Variants in GRIK2 observed in about 807,000 individuals in gnomAD.
The protein encoded by GRIK2 is glutamate receptor ionotropic, kainate 2.
In GRIK2, 32 loss-of-function variants were observed where a neutral mutation model predicts 100.3. That is an observed-to-expected ratio of 0.32 (90% CI 0.24 to 0.43). GRIK2 has a LOEUF of 0.43. Among genes scored for constraint, GRIK2 ranks in the 20% least tolerant of loss-of-function variants. The pLI is 1.00. For missense variants in GRIK2, 843 were observed against 1,114.9 expected (o/e 0.76, Z 3.47); for synonymous variants, 417 against 389.4 (o/e 1.07, Z -0.83).
At chr6:101,694,735 A>G (rs920848082) in intron 7 of GRIK2, among the ~76,000 whole-genome samples, 1 of 151,984 alleles carries the variant, frequency 6.6e-6, no homozygotes, top group Middle Eastern at 3.2e-3. Context: ...AAATACACCA[A>G]ACTAAACTAT....
chr6:101,565,132 G>A (rs1008154423), intron 2 of GRIK2, among the ~76,000 whole-genome samples: 4 of 151,896 alleles, frequency 2.6e-5, no homozygotes, highest in African/African-American at 7.2e-5. Context: ...ATTCCATTTC[G>A]GTCTGAAACA....
At chr6:101,882,634 G>T (rs1298866638) in intron 11 of GRIK2, among the ~76,000 whole-genome samples, 1 of 151,426 alleles carries the variant, frequency 6.6e-6, no homozygotes, top group Non-Finnish European at 1.5e-5. Context: ...TAACTCAATT[G>T]CCCACTTTAC....
chr6:102,028,343 A>T (rs2114395747), intron 14 of GRIK2, among the ~76,000 whole-genome samples: 1 of 151,376 alleles, frequency 6.6e-6, no homozygotes, highest in East Asian at 1.9e-4. Flanking sequence ...ATAAGCAGAT[A>T]GTGTCTTCTG....
chr6:101,858,761 G>T (rs1178661995), intron 10 of GRIK2, among the ~76,000 whole-genome samples: 3 of 151,744 alleles, frequency 2.0e-5, no homozygotes, highest in Non-Finnish European at 1.5e-5. Context: ...TAATTTTCAT[G>T]GTTGTTGGGA....
Position 101,966,751 on chromosome 6 carries a change from C to G in GRIK2, c.2085+38119C>G, listed in dbSNP as rs1485598217. 2.0e-5 allele frequency among the ~76,000 whole-genome samples: 3 copies of G among 152,048 alleles called. No individual in the cohort carries two copies. The East Asian group carries it at 5.8e-4, about 29-fold the overall frequency. ...TTGATAGGATATCTTATGAATAAAT[C>G]CATCAAAACTGAGCAAACTGGGAAA... On this transcript the variant is annotated intron_variant, in intron 14 of 16. Transcript: ENST00000369134.
At chr6:101,597,860 G>A (rs1318880810) in intron 2 of GRIK2, among the ~76,000 whole-genome samples, 2 of 151,704 alleles carry the variant, frequency 1.3e-5, no homozygotes. Flanking sequence ...CAACATCTTT[G>A]AGGATTCTGT....
chr6:101,753,811 G>C (rs55927181), intron 7 of GRIK2, among the ~76,000 whole-genome samples: 5,110 of 151,924 alleles, frequency 0.034, 150 homozygotes, highest in South Asian at 0.073. Context: ...TTGTAGCATA[G>C]AATATATTAA....
chr6:101,498,302 C>A (rs1435156024), intron 2 of GRIK2, among the ~76,000 whole-genome samples: 2 of 151,808 alleles, frequency 1.3e-5, no homozygotes, highest in Non-Finnish European at 1.5e-5. Flanking sequence ...AGTCTTTGCT[C>A]TTGTGAATAG....
intron 14 of GRIK2, among the ~76,000 whole-genome samples, chr6:101,944,625 G>T (rs1791158981): frequency 1.3e-5 from 2 of 151,942 alleles, no homozygotes; most frequent in Admixed American, 6.6e-5. Flanking sequence ...ATAATAGTTT[G>T]TTTTATGTTT....
intron 14 of GRIK2, among the ~76,000 whole-genome samples, chr6:101,950,136 C>G (rs1341331890): frequency 2.6e-5 from 4 of 151,972 alleles, no homozygotes; most frequent in African/African-American, 9.7e-5. Flanking sequence ...TAAGTTTTTT[C>G]TACCTGTTTC....
At chr6:101,513,524 G>T (rs1192701360) in intron 2 of GRIK2, among the ~76,000 whole-genome samples, 1 of 152,150 alleles carries the variant, frequency 6.6e-6, no homozygotes, top group Admixed American at 6.5e-5. Flanking sequence ...GAACAGCTTT[G>T]CAGGGGCATT....
chr6:101,667,698 T>C (rs1411301392), intron 4 of GRIK2, among the ~76,000 whole-genome samples: 1 of 152,180 alleles, frequency 6.6e-6, no homozygotes, highest in Non-Finnish European at 1.5e-5. Flanking sequence ...ATTATTATTA[T>C]GATTTTTGTT....
intron 2 of GRIK2, among the ~76,000 whole-genome samples, chr6:101,402,718 A>C (rs942796154): frequency 1.3e-5 from 2 of 152,116 alleles, no homozygotes; most frequent in Non-Finnish European, 2.9e-5. Context: ...GTCGAGCCAG[A>C]TGTTCTCTGG....
intron 11 of GRIK2, among the ~76,000 whole-genome samples, chr6:101,883,890 T>A (rs1193842455): frequency 4.6e-5 from 7 of 152,162 alleles, no homozygotes; most frequent in African/African-American, 9.6e-5. Context: ...CAATGCTTTG[T>A]AGGCAAACAT....
intron 7 of GRIK2, among the ~76,000 whole-genome samples, chr6:101,762,770 A>G (rs181903340): frequency 5.3e-4 from 80 of 152,332 alleles, no homozygotes; most frequent in Non-Finnish European, 6.5e-4. Flanking sequence ...TTGTCCAGTT[A>G]ATATTCAGCT....
chr6:101,828,017 C>A (rs1241145039), intron 10 of GRIK2, among the ~76,000 whole-genome samples: 1 of 151,894 alleles, frequency 6.6e-6, no homozygotes, highest in Non-Finnish European at 1.5e-5. Context: ...TAAGATTGAC[C>A]ACAAACTTCA....
At chr6:101,404,316 A>T (rs1451898316) in intron 2 of GRIK2, among the ~76,000 whole-genome samples, 1 of 152,250 alleles carries the variant, frequency 6.6e-6, no homozygotes, top group African/African-American at 2.4e-5. Flanking sequence ...ATCATTGATT[A>T]TCAAAGCCTT....
At chr6:101,395,481 G>T (rs1421001730) in intron 1 of GRIK2, among the ~76,000 whole-genome samples, 1 of 152,120 alleles carries the variant, frequency 6.6e-6, no homozygotes, top group Non-Finnish European at 1.5e-5. Context: ...AAAGGTATAG[G>T]CATTGTCTTT....
intron 12 of GRIK2, among the ~76,000 whole-genome samples, chr6:101,910,786 G>T (rs1435023375): frequency 6.7e-6 from 1 of 148,934 alleles, no homozygotes; most frequent in Non-Finnish European, 1.5e-5. Context: ...TACAGGAAAA[G>T]AATTAGGTGA....
Sources: gnomAD v4.1 joint callset for allele counts (sites outside exome capture counted in the v4.1 genomes callset) on GRCh38, gnomAD v4.1.1 for gene constraint, MANE v1.5 for transcripts, NCBI Gene and HGNC (gene_info 2026-07-23, HGNC 2026-07-21) for gene names.